The following KCNMA1 variants were observed in gnomAD, a reference collection of about 807,000 sequenced individuals.
KCNMA1 encodes the protein Calcium-activated potassium channel subunit alpha-1.
Under a neutral mutation model 140.0 loss-of-function variants are expected in KCNMA1, and 29 were observed. The ratio of observed to expected loss-of-function variants is 0.21; its 90% CI spans 0.15 to 0.28. KCNMA1 has a LOEUF of 0.28. Ranked by LOEUF, KCNMA1 falls within the 10% of genes least tolerant of loss-of-function variation. The pLI, the probability that KCNMA1 is intolerant of heterozygous loss-of-function variation, is 1.00. For synonymous variants in KCNMA1, 612 were observed against 611.9 expected (o/e 1.00, Z 0.00); for missense variants, 880 against 1,602.2 (o/e 0.55, Z 7.70).
At chr10:77,222,536 GT>G (rs1320258290) in intron 3 of KCNMA1, among the ~76,000 whole-genome samples, 1 of 152,170 alleles carries the variant, frequency 6.6e-6, no homozygotes, top group Non-Finnish European at 1.5e-5. Context: ...ATATTTTCAG[GT>G]TCTACCTGGG....
chr10:77,582,996 A>G (rs1353342330), intron 1 of KCNMA1, among the ~76,000 whole-genome samples: 1 of 152,186 alleles, frequency 6.6e-6, no homozygotes, highest in Non-Finnish European at 1.5e-5. Context: ...TTACGAGAGC[A>G]TCTCCCTCCC....
At chr10:77,269,137 C>T (rs2064279064) in intron 2 of KCNMA1, among the ~76,000 whole-genome samples, 1 of 152,152 alleles carries the variant, frequency 6.6e-6, no homozygotes, top group Non-Finnish European at 1.5e-5. Flanking sequence ...ACCCCCTTTC[C>T]CCGAAAAGTA....
intron 5 of KCNMA1, among the ~76,000 whole-genome samples, chr10:77,171,156 A>T (rs1279162641): frequency 1.3e-5 from 2 of 152,112 alleles, no homozygotes; most frequent in African/African-American, 2.4e-5. Flanking sequence ...TCACTTGGGA[A>T]TGTGTTAGCC....
intron 19 of KCNMA1, among the ~76,000 whole-genome samples, chr10:76,975,892 C>T (rs1321819576): frequency 6.6e-6 from 1 of 152,118 alleles, no homozygotes; most frequent in Non-Finnish European, 1.5e-5. Context: ...TCACTGCAAC[C>T]TCTGACATCA....
intron 1 of KCNMA1, among the ~76,000 whole-genome samples, chr10:77,423,040 T>C (rs1310377114): frequency 1.3e-5 from 2 of 152,238 alleles, no homozygotes; most frequent in Non-Finnish European, 2.9e-5. Flanking sequence ...CCACATGAAC[T>C]CTGAAGGAGG....
intron 5 of KCNMA1, among the ~76,000 whole-genome samples, chr10:77,125,551 G>A (rs934456928): frequency 2.0e-5 from 3 of 152,084 alleles, no homozygotes. Flanking sequence ...CTGGCTACCC[G>A]ACCTAAACAT....
intron 9 of KCNMA1, among the ~76,000 whole-genome samples, chr10:77,096,763 G>A (rs2096942429): frequency 6.6e-6 from 1 of 152,140 alleles, no homozygotes; most frequent in African/African-American, 2.4e-5. Flanking sequence ...TAGATGAAAT[G>A]TGGCACATAT....
At chr10:77,306,528 T>C (rs2077775249) in intron 2 of KCNMA1, among the ~76,000 whole-genome samples, 1 of 152,198 alleles carries the variant, frequency 6.6e-6, no homozygotes, top group Admixed American at 6.5e-5. Context: ...ATGACAAAAA[T>C]TCTGGGTCAG....
intron 5 of KCNMA1, among the ~76,000 whole-genome samples, chr10:77,149,669 G>A (rs571412551): frequency 2.6e-5 from 4 of 152,252 alleles, no homozygotes; most frequent in African/African-American, 7.2e-5. Flanking sequence ...GAAATAATCC[G>A]TCTCCAATCT....
intron 1 of KCNMA1, among the ~76,000 whole-genome samples, chr10:77,589,783 C>T (rs145735195): frequency 6.6e-6 from 1 of 152,166 alleles, no homozygotes; most frequent in Non-Finnish European, 1.5e-5. Context: ...ATAAAGGCAG[C>T]GTGGGCCCAA....
intron 1 of KCNMA1, among the ~76,000 whole-genome samples, chr10:77,430,694 G>T (rs2097134625): frequency 2.0e-5 from 3 of 152,128 alleles, no homozygotes; most frequent in Admixed American, 2.0e-4. Context: ...AACAAGGGAG[G>T]GTGCAAGGAG....
At chr10:77,457,350 A>G (rs1384157151) in intron 1 of KCNMA1, among the ~76,000 whole-genome samples, 2 of 152,118 alleles carry the variant, frequency 1.3e-5, no homozygotes, top group East Asian at 3.9e-4. Flanking sequence ...CTCCTTCTGC[A>G]TTTGGTGGCA....
At chr10:77,339,618 C>T (rs2090312822) in intron 2 of KCNMA1, among the ~76,000 whole-genome samples, 1 of 152,204 alleles carries the variant, frequency 6.6e-6, no homozygotes, top group South Asian at 2.1e-4. Flanking sequence ...TGTTTCCCTC[C>T]ACTAGGGGAG....
At chr10:77,115,908 C>T (rs2097450761) in intron 6 of KCNMA1, among the ~76,000 whole-genome samples, 1 of 152,096 alleles carries the variant, frequency 6.6e-6, no homozygotes, top group Admixed American at 6.5e-5. Context: ...CAAGGTTAAC[C>T]CCTGGTGGGC....
chr10:76,932,861 A>G (rs2059620292), intron 23 of KCNMA1, among the ~76,000 whole-genome samples: 2 of 152,178 alleles, frequency 1.3e-5, no homozygotes, highest in Admixed American at 6.5e-5. Flanking sequence ...AGCTCTCAGG[A>G]AGCATTCACA....
intron 1 of KCNMA1, among the ~76,000 whole-genome samples, chr10:77,557,208 T>C (rs1195534087): frequency 1.3e-5 from 2 of 152,220 alleles, no homozygotes; most frequent in African/African-American, 4.8e-5. Context: ...TCAATCACTG[T>C]CAAAAGGCAG....
At chr10:76,913,947 G>A in intron 24 of KCNMA1, 1 of 779,736 alleles carries the variant, frequency 1.3e-6, no homozygotes, top group South Asian at 1.7e-5. Flanking sequence ...AGTGCCATGG[G>A]GTAGCCTTTC....
chr10:77,311,973 C>T (rs182216824), intron 2 of KCNMA1, among the ~76,000 whole-genome samples: 173 of 152,346 alleles, frequency 1.1e-3, no homozygotes, highest in Non-Finnish European at 1.9e-3. Flanking sequence ...GTCATGGCAC[C>T]GCACCCAGCC....
At chr10:77,428,376 C>G (rs1566789870) in intron 1 of KCNMA1, among the ~76,000 whole-genome samples, 1 of 152,180 alleles carries the variant, frequency 6.6e-6, no homozygotes, top group Non-Finnish European at 1.5e-5. Flanking sequence ...GACTTAGTCT[C>G]TAATGAAACT....
Sources: allele counts gnomAD v4.1 joint callset (sites outside exome capture counted in the v4.1 genomes callset), GRCh38; gene constraint gnomAD v4.1.1; transcripts MANE v1.5; gene names NCBI Gene and HGNC (gene_info 2026-07-23, HGNC 2026-07-21).